Variants in CFTR observed in about 807,000 individuals in gnomAD.
The protein encoded by CFTR is cystic fibrosis transmembrane conductance regulator.
CFTR carries 181 observed loss-of-function variants against 171.6 expected under a neutral mutation model. That is an observed-to-expected ratio of 1.05 (90% CI 0.93 to 1.19). CFTR has a LOEUF of 1.19. Ranked by LOEUF, CFTR falls within the 50% of genes most tolerant of loss-of-function variation. The probability of loss-of-function intolerance (pLI) is 0.00; values close to 1 mark genes in which losing one functional copy is unlikely to be tolerated. For synonymous variants in CFTR, 583 were observed against 608.0 expected (o/e 0.96, Z 0.60); for missense variants, 1,968 against 1,734.7 (o/e 1.13, Z -2.39).
intron 3 of CFTR, among the ~76,000 whole-genome samples, chr7:117,520,767 T>A (rs1798672921): frequency 1.3e-5 from 2 of 151,990 alleles, no homozygotes; most frequent in African/African-American, 4.8e-5. Context: ...TATAATCATT[T>A]TATTCATTGA....
chr7:117,585,376 G>C (rs1027559246), intron 11 of CFTR, among the ~76,000 whole-genome samples: 1 of 150,966 alleles, frequency 6.6e-6, no homozygotes, highest in Admixed American at 6.6e-5. Flanking sequence ...TGTTATAATC[G>C]TACTGTCAAG....
At chr7:117,500,215 T>C (rs1024741625) in intron 1 of CFTR, among the ~76,000 whole-genome samples, 4 of 152,020 alleles carry the variant, frequency 2.6e-5, no homozygotes, top group South Asian at 2.1e-4. Context: ...TTTTTTTGTA[T>C]TTCTAAGACT....
At chr7:117,657,299 G>C (rs1021833989) in intron 24 of CFTR, among the ~76,000 whole-genome samples, 49 of 152,150 alleles carry the variant, frequency 3.2e-4, no homozygotes, top group Non-Finnish European at 4.4e-5. Context: ...TTCATATTTA[G>C]GTATATACTT....
At chr7:117,501,816 CAAAA>C (rs964587264) in intron 1 of CFTR, among the ~76,000 whole-genome samples, 3 of 74,994 alleles carry the variant, frequency 4.0e-5, no homozygotes, top group African/African-American at 1.2e-4. Flanking sequence ...AACAAAAAAA[CAAAA>C]ATTATCACTT....
chr7:117,483,116 A>G (rs1798023018), intron 1 of CFTR, among the ~76,000 whole-genome samples: 1 of 152,262 alleles, frequency 6.6e-6, no homozygotes, highest in Non-Finnish European at 1.5e-5. Context: ...TAATTATTAA[A>G]CACAAAGTAA....
Position 117,511,526 on chromosome 7 carries a change from G to A in CFTR, c.273+2384G>A, listed in dbSNP as rs777854794. ...TAGCAGCACCTTTGAAGGGGAAAGC[G>A]TGTTTCCATCATCTCAACTCCTACT... On this transcript the variant is annotated intron_variant, in intron 3 of 26. Coordinates refer to ENST00000003084, the MANE Select transcript of CFTR (RefSeq NM_000492.4). 1.5e-3 allele frequency among the ~76,000 whole-genome samples: 235 copies of A among 152,290 alleles called. 2 individuals carry two copies. The highest frequency in any genetic ancestry group is 2.7e-3 in the Non-Finnish European group (185 of 68,030).
At chr7:117,560,659 G>T (rs1799449578) in intron 11 of CFTR, 1 of 151,578 alleles carries the variant, frequency 6.6e-6, no homozygotes, top group African/African-American at 2.4e-5. Context: ...TTTTTTTAGA[G>T]CCCCATTCTT....
intron 11 of CFTR, among the ~76,000 whole-genome samples, chr7:117,583,093 A>G (rs1791872679): frequency 6.6e-6 from 1 of 152,150 alleles, no homozygotes; most frequent in Non-Finnish European, 1.5e-5. Context: ...CCTCTTAATT[A>G]TTGTCTTAAA....
intron 4 of CFTR, among the ~76,000 whole-genome samples, 153 bp from the exon 5 acceptor site, chr7:117,534,123 A>C (rs1798906623): frequency 6.6e-6 from 1 of 152,222 alleles, no homozygotes; most frequent in Non-Finnish European, 1.5e-5. Context: ...TATGAACCTG[A>C]GAAGATAGTA....
At chr7:117,606,247 G>A (rs539589288) in intron 17 of CFTR, among the ~76,000 whole-genome samples, 2 of 152,158 alleles carry the variant, frequency 1.3e-5, no homozygotes, top group East Asian at 3.9e-4. Flanking sequence ...ATGTCAAAAA[G>A]GTATGGAAGT....
rs117835163 is a variant in CFTR at position 117,501,034 on chromosome 7, C to A, written c.54-3219C>A. ...TTGTAAATAAGGACCAAAAGAGTTA[C>A]GTTTATATTTTTTAAAAGAGATTGA... On this transcript the variant is annotated intron_variant, in intron 1 of 26. Coordinates refer to ENST00000003084, the MANE Select transcript of CFTR (RefSeq NM_000492.4). Among the ~76,000 whole-genome samples, 892 of 152,152 alleles carry A rather than the reference C, an allele frequency of 5.9e-3. 3 individuals are homozygous for A. Among genetic ancestry groups the A allele is most frequent in the Middle Eastern group, 0.027 (8 of 294 alleles).
Position 117,535,391 on chromosome 7 carries a change from G to C in CFTR, c.723G>C (p.Gly241=). 6.2e-7 allele frequency: 1 copy of C among 1,614,100 alleles called. No individual in the cohort carries two copies. Among genetic ancestry groups the C allele is most frequent in the South Asian group, 1.1e-5 (1 of 91,076 alleles). The change falls in exon 6 of 27, where the codon GGG becomes GGC. Residue 241 remains glycine, a synonymous_variant. Coordinates refer to ENST00000003084, the MANE Select transcript of CFTR (RefSeq NM_000492.4). ...IVLALFQAGL[G]RMMMKYRDQR... ...TTGCCCTTTTTCAGGCTGGGCTAGG[G>C]AGAATGATGATGAAGTACAGGTAGC... is the stretch of plus-strand genomic sequence containing the variant.
rs397508360 is a variant in CFTR at position 117,509,096 on chromosome 7, GT to G, written c.233del (p.Phe78SerfsTer13). 1 of 1,612,174 alleles carries G rather than the reference GT, an allele frequency of 6.2e-7. No homozygotes were observed. The highest frequency in any genetic ancestry group is 8.5e-7 in the Non-Finnish European group (1 of 1,178,546). ...AAACTCATTAATGCCCTTCGGCGAT[GT>G]TTTTTCTGGAGATTTATGTTCTATG... ...NPKLINALRRCFFWRFMFYGI... is the reference protein window; with the variant it reads ...NPKLINALRRXFFWRFMFYGI... On this transcript the variant is annotated frameshift_variant, in exon 3 of 27. Transcript: ENST00000003084. LOFTEE classifies it high-confidence loss of function.
chr7:117,547,757 T>A (rs929993561), intron 9 of CFTR, among the ~76,000 whole-genome samples: 1 of 152,158 alleles, frequency 6.6e-6, no homozygotes, highest in Non-Finnish European at 1.5e-5. Context: ...CTCCAGAAAG[T>A]GCAACGTAGT....
chr7:117,649,519 A>ATAT (rs375585696), intron 23 of CFTR, among the ~76,000 whole-genome samples: 6 of 103,678 alleles, frequency 5.8e-5, no homozygotes, highest in Admixed American at 1.0e-4. Context: ...ATATATATAT[A>ATAT]TTTTTTTTTT....
At chr7:117,491,214 G>A (rs1798155227) in intron 1 of CFTR, among the ~76,000 whole-genome samples, 1 of 152,014 alleles carries the variant, frequency 6.6e-6, no homozygotes, top group Admixed American at 6.6e-5. Context: ...CAGAAAAGGT[G>A]CACTAAAAAT....
chr7:117,615,057 A>G lies in CFTR; in HGVS notation c.3468+344A>G, dbSNP rs1043750395. ...TTGTCCTCAAGTCTGTTGTACTGATATATATCCCCATCAAGAGAGTACAAG... is the reference window on the plus strand; with the variant it reads ...TTGTCCTCAAGTCTGTTGTACTGATGTATATCCCCATCAAGAGAGTACAAG... On this transcript the variant is annotated intron_variant, in intron 21 of 26. Transcript: ENST00000003084. Among the ~76,000 whole-genome samples, 3 of 152,126 alleles carry G rather than the reference A, an allele frequency of 2.0e-5. No homozygotes were observed. The East Asian group carries it at 5.8e-4, about 29-fold the overall frequency.
chr7:117,532,245 T>C (rs1798877245), intron 4 of CFTR, among the ~76,000 whole-genome samples: 2 of 152,232 alleles, frequency 1.3e-5, no homozygotes, highest in Non-Finnish European at 2.9e-5. Context: ...ATGTGGAATC[T>C]ACACAGTTGG....
intron 10 of CFTR, among the ~76,000 whole-genome samples, chr7:117,556,456 A>AT (rs949325333): frequency 4.4e-5 from 6 of 136,954 alleles, no homozygotes; most frequent in African/African-American, 1.4e-4. Context: ...CCTGTTTTGA[A>AT]TTTTTTTTCC....
Sources: gnomAD v4.1 joint callset for allele counts (sites outside exome capture counted in the v4.1 genomes callset) on GRCh38, gnomAD v4.1.1 for gene constraint, MANE v1.5 for transcripts, NCBI Gene and HGNC (gene_info 2026-07-23, HGNC 2026-07-21) for gene names.